Variants in TRIM5 observed in about 807,000 individuals in gnomAD.
The protein encoded by TRIM5 is tripartite motif containing 5.
Under a neutral mutation model 35.6 loss-of-function variants are expected in TRIM5, and 31 were observed. That is an observed-to-expected ratio of 0.87 (90% CI 0.65 to 1.18). The LOEUF (loss-of-function observed/expected upper bound fraction) is 1.18. Among genes scored for constraint, TRIM5 ranks in the 50% most tolerant of loss-of-function variants. The pLI, the probability that TRIM5 is intolerant of heterozygous loss-of-function variation, is 0.00. For synonymous variants in TRIM5, 243 were observed against 215.6 expected (o/e 1.13, Z -1.11); for missense variants, 609 against 591.6 (o/e 1.03, Z -0.31).
the TRIM5 span, among the ~76,000 whole-genome samples, chr11:5,606,281 GTA>G: frequency 1.3e-5 from 2 of 152,174 alleles, no homozygotes; most frequent in Non-Finnish European, 2.9e-5. Context: ...GCTCTGGTCT[GTA>G]TGTGTGTAGG....
the TRIM5 span, among the ~76,000 whole-genome samples, chr11:5,638,958 G>C: frequency 6.6e-6 from 1 of 152,088 alleles, no homozygotes; most frequent in Non-Finnish European, 1.5e-5. Flanking sequence ...GCCTTCACGT[G>C]GGAGTGCACC....
At chr11:5,596,534 C>CG in the TRIM5 span, 7 of 25,926 alleles carry the variant, frequency 2.7e-4, no homozygotes, top group East Asian at 2.3e-3. Context: ...CCCCTTCCCC[C>CG]TTCCCCCTTC....
downstream of TRIM5, among the ~76,000 whole-genome samples, chr11:5,659,060 G>C (rs984879145): frequency 1.3e-5 from 2 of 152,080 alleles, no homozygotes; most frequent in African/African-American, 2.4e-5. Context: ...TAAATGACGA[G>C]TTAATGGGTG....
intron 1 of TRIM5, among the ~76,000 whole-genome samples, chr11:5,682,902 G>A (rs1359745163): frequency 6.6e-6 from 1 of 152,240 alleles, no homozygotes; most frequent in Admixed American, 6.5e-5. Context: ...TTCTGGGCTG[G>A]CCAAGGCCGG....
At chr11:5,613,470 T>C in the TRIM5 span, among the ~76,000 whole-genome samples, 1 of 152,216 alleles carries the variant, frequency 6.6e-6, no homozygotes, top group Admixed American at 6.5e-5. Flanking sequence ...TGGGAGATCA[T>C]ATCTGTGGAA....
At chr11:5,602,235 T>G in the TRIM5 span, among the ~76,000 whole-genome samples, 1 of 151,496 alleles carries the variant, frequency 6.6e-6, no homozygotes, top group South Asian at 2.1e-4. Context: ...GGTCAGGAGA[T>G]CGAGACCATC....
At chr11:5,668,928 C>T (rs1259377309) in intron 4 of TRIM5, among the ~76,000 whole-genome samples, 4 of 152,136 alleles carry the variant, frequency 2.6e-5, no homozygotes, top group Non-Finnish European at 4.4e-5. Flanking sequence ...CAAGGACCAA[C>T]AACTAAGAAT....
At chr11:5,629,942 G>A in the TRIM5 span, among the ~76,000 whole-genome samples, 12 of 152,184 alleles carry the variant, frequency 7.9e-5, no homozygotes, top group Admixed American at 3.3e-4. Flanking sequence ...TCCTTACCTC[G>A]TGATCCGCCT....
At chr11:5,604,081 C>T in the TRIM5 span, among the ~76,000 whole-genome samples, 302 of 152,168 alleles carry the variant, frequency 2.0e-3, no homozygotes, top group Non-Finnish European at 3.5e-3. Context: ...CTGCAACCTC[C>T]GCCTCCCGGG....
chr11:5,684,539 G>C (rs908058798), intron 1 of TRIM5, among the ~76,000 whole-genome samples: 2 of 152,158 alleles, frequency 1.3e-5, no homozygotes, highest in African/African-American at 4.8e-5. Context: ...CACTACATTA[G>C]TAAACTAATA....
chr11:5,623,711 T>C, the TRIM5 span, among the ~76,000 whole-genome samples: 7 of 152,104 alleles, frequency 4.6e-5, no homozygotes, highest in Non-Finnish European at 1.0e-4. Context: ...AAGCCGCAAT[T>C]ACTTTTGCAC....
chr11:5,611,035 A>C, the TRIM5 span: 1 of 1,614,206 alleles, frequency 6.2e-7, no homozygotes, highest in South Asian at 1.1e-5. Flanking sequence ...CATTTTGCTC[A>C]AAATCACAGT....
the TRIM5 span, among the ~76,000 whole-genome samples, chr11:5,603,967 T>C: frequency 1.3e-5 from 2 of 151,808 alleles, no homozygotes; most frequent in Admixed American, 1.3e-4. Context: ...TGTGGAGATA[T>C]GTTGGCAGGG....
chr11:5,665,583 A>G, intron 7 of TRIM5, 73 bp downstream of exon 7: 3 of 1,585,302 alleles, frequency 1.9e-6, no homozygotes, highest in Non-Finnish European at 2.6e-6. Context: ...TAGAGAACAT[A>G]AAATTCTAAA....
At chr11:5,599,055 C>T in the TRIM5 span, among the ~76,000 whole-genome samples, 6,917 of 152,266 alleles carry the variant, frequency 0.045, 170 homozygotes, top group South Asian at 0.097. Flanking sequence ...TAAATAGCAT[C>T]ATACAATAAC....
chr11:5,611,287 A>ATTT, the TRIM5 span: 11 of 1,613,928 alleles, frequency 6.8e-6, no homozygotes, highest in African/African-American at 1.3e-5. Context: ...CTTTGTCCAT[A>ATTT]TTTTAATCCT....
At chr11:5,630,141 C>G in the TRIM5 span, among the ~76,000 whole-genome samples, 1 of 152,090 alleles carries the variant, frequency 6.6e-6, no homozygotes, top group South Asian at 2.1e-4. Flanking sequence ...CAGGGCCCTA[C>G]AGAGAATATT....
At chr11:5,613,337 T>C in the TRIM5 span, among the ~76,000 whole-genome samples, 2 of 152,260 alleles carry the variant, frequency 1.3e-5, no homozygotes, top group Admixed American at 6.5e-5. Flanking sequence ...AGCTCCTTCA[T>C]GGTTTGATGA....
At chr11:5,678,722 C>T (rs137925006) in intron 3 of TRIM5, among the ~76,000 whole-genome samples, 2 of 152,314 alleles carry the variant, frequency 1.3e-5, no homozygotes, top group Non-Finnish European at 2.9e-5. Context: ...TATTACTTCT[C>T]AGCCCAAGCT....
Sources: gnomAD v4.1 joint callset for allele counts (sites outside exome capture counted in the v4.1 genomes callset) on GRCh38, gnomAD v4.1.1 for gene constraint, MANE v1.5 for transcripts, NCBI Gene and HGNC (gene_info 2026-07-23, HGNC 2026-07-21) for gene names.